Variants in RFPL1 observed in about 807,000 individuals in gnomAD.
RFPL1 encodes the protein ret finger protein-like 1.
A neutral mutation model predicts 9.6 loss-of-function variants in RFPL1; 6 were observed. That is an observed-to-expected ratio of 0.62 (90% CI 0.34 to 1.23). The LOEUF (loss-of-function observed/expected upper bound fraction) is 1.23, where lower values mean the gene tolerates loss of function less well. RFPL1 is among the 50% of genes most tolerant of loss of function. The pLI is 0.03. For synonymous variants in RFPL1, 145 were observed against 149.4 expected (o/e 0.97, Z 0.22); for missense variants, 352 against 398.4 (o/e 0.88, Z 0.99).
At chr22:29,438,538 G>T, upstream of RFPL1, 1 of 1,297,974 alleles carries the variant, frequency 7.7e-7, no homozygotes, top group Admixed American at 3.2e-5. Flanking sequence ...GTTCCCCTAG[G>T]AGGAGGTGAA....
At chr22:29,390,582 T>TTTTATTTATTTATTTATTTA in the RFPL1 span, among the ~76,000 whole-genome samples, 1,163 of 146,926 alleles carry the variant, frequency 7.9e-3, 19 homozygotes, top group African/African-American at 0.028. Context: ...CTTATTCCAT[T>TTTTATTTATTTATTTATTTA]TTTATTTATT....
chr22:29,410,628 TAG>T, the RFPL1 span, among the ~76,000 whole-genome samples: 216 of 139,390 alleles, frequency 1.5e-3, no homozygotes, highest in South Asian at 2.0e-3. Context: ...TATATATAGA[TAG>T]ATATATTGTA....
At chr22:29,388,596 A>T in the RFPL1 span, 1 of 152,130 alleles carries the variant, frequency 6.6e-6, no homozygotes, top group African/African-American at 2.4e-5. Flanking sequence ...CTTCCGGTGG[A>T]CGCAAGGCCT....
At chr22:29,425,288 C>CT in the RFPL1 span, among the ~76,000 whole-genome samples, 1 of 152,042 alleles carries the variant, frequency 6.6e-6, no homozygotes, top group African/African-American at 2.4e-5. Flanking sequence ...CACTTTGTCC[C>CT]TTTTTTTGCA....
At chr22:29,391,603 G>C in the RFPL1 span, among the ~76,000 whole-genome samples, 2 of 152,322 alleles carry the variant, frequency 1.3e-5, no homozygotes, top group South Asian at 2.1e-4. Context: ...AGAGCTTTAA[G>C]ATTTCCAAGG....
chr22:29,420,280 A>G, the RFPL1 span, among the ~76,000 whole-genome samples: 1 of 152,240 alleles, frequency 6.6e-6, no homozygotes, highest in African/African-American at 2.4e-5. Flanking sequence ...CCATGGACAG[A>G]TAGTCAGGAC....
At chr22:29,424,256 A>C in the RFPL1 span, among the ~76,000 whole-genome samples, 1 of 152,154 alleles carries the variant, frequency 6.6e-6, no homozygotes, top group African/African-American at 2.4e-5. Flanking sequence ...CTGAGCATCT[A>C]CTGTGTACCT....
chr22:29,400,438 A>G, the RFPL1 span, among the ~76,000 whole-genome samples: 1 of 152,216 alleles, frequency 6.6e-6, no homozygotes, highest in Non-Finnish European at 1.5e-5. Context: ...CTCTAGTCAC[A>G]CAGTGCTTTC....
At chr22:29,410,132 C>T in the RFPL1 span, among the ~76,000 whole-genome samples, 249 of 149,966 alleles carry the variant, frequency 1.7e-3, no homozygotes, top group African/African-American at 5.9e-3. Context: ...CAACAGGGCC[C>T]AGCATGATCT....
chr22:29,409,281 A>G, the RFPL1 span, among the ~76,000 whole-genome samples: 1 of 152,146 alleles, frequency 6.6e-6, no homozygotes, highest in East Asian at 1.9e-4. Context: ...CTAGGCAGCC[A>G]CAAATGTACT....
At chr22:29,436,812 G>A (rs569727308), upstream of RFPL1, 1 of 152,276 alleles carries the variant, frequency 6.6e-6, no homozygotes, top group African/African-American at 2.4e-5. Flanking sequence ...CATATTTAAA[G>A]CCGACCAAAA....
At chr22:29,419,481 C>T in the RFPL1 span, among the ~76,000 whole-genome samples, 11 of 151,992 alleles carry the variant, frequency 7.2e-5, no homozygotes, top group South Asian at 8.3e-4. Flanking sequence ...CGGGTGCAGT[C>T]GCTCACACCT....
the RFPL1 span, among the ~76,000 whole-genome samples, chr22:29,410,592 T>G: frequency 7.9e-5 from 10 of 127,284 alleles, no homozygotes; most frequent in Admixed American, 8.5e-5. Flanking sequence ...TCTATCTATA[T>G]ATAGATATAT....
At chr22:29,403,148 T>C in the RFPL1 span, among the ~76,000 whole-genome samples, 18 of 152,338 alleles carry the variant, frequency 1.2e-4, no homozygotes, top group African/African-American at 4.3e-4. Flanking sequence ...GGTCCCCACC[T>C]TCATAGACAT....
upstream of RFPL1, among the ~76,000 whole-genome samples, chr22:29,433,823 C>G (rs1216862972): frequency 6.6e-6 from 1 of 151,988 alleles, no homozygotes; most frequent in Non-Finnish European, 1.5e-5. Context: ...TGGGTGTACC[C>G]CATGTGGAAG....
At chr22:29,433,504 C>A in the RFPL1 span, 1 of 173,190 alleles carries the variant, frequency 5.8e-6, no homozygotes. Context: ...GAAGTGGAGC[C>A]CCAGCTGAGA....
At chr22:29,430,150 A>C in the RFPL1 span, among the ~76,000 whole-genome samples, 229 of 152,218 alleles carry the variant, frequency 1.5e-3, no homozygotes, top group African/African-American at 5.4e-3. Flanking sequence ...AATTGGCAAA[A>C]TGTTTTGCCA....
the RFPL1 span, among the ~76,000 whole-genome samples, chr22:29,422,612 G>A: frequency 4.7e-4 from 71 of 152,046 alleles, no homozygotes; most frequent in African/African-American, 1.5e-3. Flanking sequence ...GCATAGTGGC[G>A]GGCACATGTA....
At chr22:29,394,690 C>T in the RFPL1 span, among the ~76,000 whole-genome samples, 2 of 152,230 alleles carry the variant, frequency 1.3e-5, no homozygotes, top group African/African-American at 4.8e-5. Context: ...ACTGTGCACC[C>T]ACCATGGGCC....
Sources: gnomAD v4.1 joint callset for allele counts (sites outside exome capture counted in the v4.1 genomes callset) on GRCh38, gnomAD v4.1.1 for gene constraint, MANE v1.5 for transcripts, NCBI Gene and HGNC (gene_info 2026-07-23, HGNC 2026-07-21) for gene names.